Variants in OPCML observed in about 807,000 individuals in gnomAD.
OPCML encodes the protein opioid binding protein/cell adhesion molecule like.
In OPCML, 13 loss-of-function variants were observed where a neutral mutation model predicts 37.8. The observed-to-expected ratio is 0.34, with a 90% confidence interval of 0.22 to 0.55. The LOEUF (loss-of-function observed/expected upper bound fraction) is 0.55, where lower values mean the gene tolerates loss of function less well. Ranked by LOEUF, OPCML falls within the 20% of genes least tolerant of loss-of-function variation. The pLI is 0.91. For synonymous variants in OPCML, 176 were observed against 168.8 expected (o/e 1.04, Z -0.33); for missense variants, 341 against 435.6 (o/e 0.78, Z 1.93).
chr11:133,109,352 T>G (rs1565451831), intron 1 of OPCML, among the ~76,000 whole-genome samples: 1 of 152,176 alleles, frequency 6.6e-6, no homozygotes, highest in African/African-American at 2.4e-5. Context: ...CGCTGCTGGC[T>G]GGGGGTGGTC....
chr11:133,501,551 A>G (rs1477823821), intron 1 of OPCML, among the ~76,000 whole-genome samples: 1 of 152,182 alleles, frequency 6.6e-6, no homozygotes, highest in Non-Finnish European at 1.5e-5. Context: ...ACATAGTCCC[A>G]TGGGGTTAAC....
At chr11:132,705,885 G>A (rs1944013198) in intron 2 of OPCML, among the ~76,000 whole-genome samples, 2 of 152,118 alleles carry the variant, frequency 1.3e-5, no homozygotes, top group South Asian at 4.1e-4. Context: ...TCGGCCCACT[G>A]CAACCTCCAC....
At chr11:133,218,557 C>T (rs1277482160) in intron 1 of OPCML, among the ~76,000 whole-genome samples, 3 of 152,112 alleles carry the variant, frequency 2.0e-5, no homozygotes, top group Non-Finnish European at 4.4e-5. Context: ...TCCTCCTGTG[C>T]ATGTAAGCTT....
At chr11:133,462,621 C>T (rs1243671864) in intron 1 of OPCML, among the ~76,000 whole-genome samples, 1 of 152,000 alleles carries the variant, frequency 6.6e-6, no homozygotes, top group African/African-American at 2.4e-5. Flanking sequence ...AAATCAAAAC[C>T]ACAATAGGAT....
chr11:132,901,434 GTTC>G (rs1330583090), intron 2 of OPCML, among the ~76,000 whole-genome samples: 1 of 152,150 alleles, frequency 6.6e-6, no homozygotes. Flanking sequence ...GTTTCACAAA[GTTC>G]TTCTAAAGAT....
intron 1 of OPCML, among the ~76,000 whole-genome samples, chr11:133,438,889 G>A (rs1946299385): frequency 6.6e-6 from 1 of 152,120 alleles, no homozygotes; most frequent in South Asian, 2.1e-4. Flanking sequence ...GTGCTCCCAG[G>A]TTGGTGAACA....
At position 132,769,115 on chromosome 11, in the gene OPCML, C is replaced by T. The variant is rs1476715122; in HGVS notation, c.147-111796G>A. Among the ~76,000 whole-genome samples the T allele has an allele frequency of 4.2e-4, 10 of 23,706 alleles. No individual in the cohort carries two copies. The South Asian group carries it at 4.6e-3, about 11-fold the overall frequency. 15.6% of individuals were successfully genotyped at this position (23,706 alleles called of 152,430 possible). On this transcript the variant is annotated intron_variant, in intron 2 of 7. Transcript: ENST00000524381. Reference sequence around the variant, plus strand: ...GAGGTCGCTGATGCACCACTGGGAACGGGAAAGGGGGTGTGGGGGTGTGGG... The same window carrying T: ...GAGGTCGCTGATGCACCACTGGGAATGGGAAAGGGGGTGTGGGGGTGTGGG...
intron 1 of OPCML, among the ~76,000 whole-genome samples, chr11:133,233,589 A>C (rs539980949): frequency 6.6e-6 from 1 of 152,210 alleles, no homozygotes; most frequent in Non-Finnish European, 1.5e-5. Flanking sequence ...GTTTTGAGTC[A>C]ACCCCACTTT....
intron 1 of OPCML, chr11:133,365,283 C>T (rs892306161): frequency 6.6e-6 from 1 of 152,392 alleles, no homozygotes; most frequent in African/African-American, 2.4e-5. Flanking sequence ...ATACCATAGG[C>T]TCGGTGACTT....
intron 3 of OPCML, among the ~76,000 whole-genome samples, chr11:132,604,375 C>G (rs1045522740): frequency 2.6e-5 from 4 of 152,132 alleles, no homozygotes; most frequent in Non-Finnish European, 5.9e-5. Flanking sequence ...CTAACAGGCC[C>G]CTGAGCTTTT....
intron 1 of OPCML, among the ~76,000 whole-genome samples, chr11:133,482,750 T>C (rs1170484544): frequency 6.6e-6 from 1 of 152,204 alleles, no homozygotes; most frequent in African/African-American, 2.4e-5. Flanking sequence ...GCTTGTTATC[T>C]ATTTTAACTC....
chr11:133,462,142 A>G (rs1946874415), intron 1 of OPCML, among the ~76,000 whole-genome samples: 2 of 152,014 alleles, frequency 1.3e-5, no homozygotes. Flanking sequence ...AGATTCAGTA[A>G]TGGCTGCAAA....
chr11:132,766,218 C>T (rs539640001), intron 2 of OPCML, among the ~76,000 whole-genome samples: 3 of 152,220 alleles, frequency 2.0e-5, no homozygotes, highest in South Asian at 2.1e-4. Flanking sequence ...ATCATGCATC[C>T]GTACCAGTGA....
intron 1 of OPCML, among the ~76,000 whole-genome samples, chr11:133,516,134 C>T (rs1469039951): frequency 6.6e-6 from 1 of 152,000 alleles, no homozygotes; most frequent in Non-Finnish European, 1.5e-5. Flanking sequence ...GGGACTGCGA[C>T]CCCCGCAGAG....
chr11:133,336,072 A>G (rs1212431967), intron 1 of OPCML, among the ~76,000 whole-genome samples: 2 of 152,246 alleles, frequency 1.3e-5, no homozygotes, highest in Admixed American at 6.5e-5. Flanking sequence ...AATGGAATCA[A>G]TATCATTAAA....
intron 1 of OPCML, among the ~76,000 whole-genome samples, chr11:133,434,831 C>T (rs553615597): frequency 2.4e-3 from 348 of 143,526 alleles, no homozygotes; most frequent in South Asian, 8.4e-3. Flanking sequence ...TATACACACA[C>T]ATATATATAT....
chr11:132,427,235 C>A (rs2095980598), intron 7 of OPCML, among the ~76,000 whole-genome samples: 1 of 152,110 alleles, frequency 6.6e-6, no homozygotes, highest in African/African-American at 2.4e-5. Context: ...TAAGAAGATA[C>A]GGTTTTGTTC....
intron 1 of OPCML, among the ~76,000 whole-genome samples, chr11:133,034,100 C>T (rs935917612): frequency 1.3e-5 from 2 of 152,126 alleles, no homozygotes; most frequent in Non-Finnish European, 2.9e-5. Context: ...ACCATGCTTT[C>T]AGTGGTGATA....
chr11:132,889,474 T>C (rs1943559874), intron 2 of OPCML, among the ~76,000 whole-genome samples: 2 of 152,218 alleles, frequency 1.3e-5, no homozygotes, highest in Non-Finnish European at 2.9e-5. Flanking sequence ...GCTGAAGATC[T>C]TGGAATATTT....
Sources: gnomAD v4.1 joint callset for allele counts (sites outside exome capture counted in the v4.1 genomes callset) on GRCh38, gnomAD v4.1.1 for gene constraint, MANE v1.5 for transcripts, NCBI Gene and HGNC (gene_info 2026-07-23, HGNC 2026-07-21) for gene names.